The following XNDC1N variants were observed in gnomAD, a reference collection of about 807,000 sequenced individuals.
XNDC1N encodes the protein protein XNDC1N.
At chr11:71,898,915 T>A in the XNDC1N span, among the ~76,000 whole-genome samples, 1 of 152,144 alleles carries the variant, frequency 6.6e-6, no homozygotes, top group Non-Finnish European at 1.5e-5. Flanking sequence ...TAATTTTTAA[T>A]ATTTATATGT....
the XNDC1N span, among the ~76,000 whole-genome samples, chr11:71,910,932 C>T: frequency 6.6e-6 from 1 of 152,232 alleles, no homozygotes; most frequent in Non-Finnish European, 1.5e-5. Context: ...AAAGGAAAAA[C>T]TTCTGGCATC....
At chr11:71,868,696 C>G in the XNDC1N span, among the ~76,000 whole-genome samples, 1 of 152,182 alleles carries the variant, frequency 6.6e-6, no homozygotes, top group Non-Finnish European at 1.5e-5. Flanking sequence ...CTCCTTTTCT[C>G]TAGCTGCCTT....
At chr11:71,892,186 C>T in the XNDC1N span, among the ~76,000 whole-genome samples, 11 of 152,288 alleles carry the variant, frequency 7.2e-5, no homozygotes, top group Admixed American at 4.6e-4. Flanking sequence ...AATAATTTCA[C>T]AGTCTGTACA....
chr11:71,893,201 G>T, the XNDC1N span, among the ~76,000 whole-genome samples: 5 of 152,184 alleles, frequency 3.3e-5, no homozygotes, highest in Non-Finnish European at 2.9e-5. Context: ...TCACGGAGTT[G>T]TTATATGTGA....
At chr11:71,923,503 A>C in the XNDC1N span, 1 of 624,190 alleles carries the variant, frequency 1.6e-6, no homozygotes, top group African/African-American at 1.8e-5. Flanking sequence ...AGAAAAACAA[A>C]CTAGCCATGG....
At chr11:71,918,559 G>A in the XNDC1N span, among the ~76,000 whole-genome samples, 4 of 152,226 alleles carry the variant, frequency 2.6e-5, no homozygotes, top group African/African-American at 9.6e-5. Flanking sequence ...TGGGATTACA[G>A]GCATGAGCCA....
At chr11:71,908,101 A>T in the XNDC1N span, among the ~76,000 whole-genome samples, 3 of 152,230 alleles carry the variant, frequency 2.0e-5, no homozygotes, top group Non-Finnish European at 4.4e-5. Flanking sequence ...GCAATATAAC[A>T]GGTGGGTATA....
the XNDC1N span, among the ~76,000 whole-genome samples, chr11:71,919,616 TG>T: frequency 0.096 from 2,380 of 24,842 alleles, 42 homozygotes; most frequent in East Asian, 0.22. Flanking sequence ...TTTTTTTTTT[TG>T]TTTGTTTTTT....
At chr11:71,895,083 C>A in the XNDC1N span, among the ~76,000 whole-genome samples, 1 of 150,584 alleles carries the variant, frequency 6.6e-6, no homozygotes, top group Non-Finnish European at 1.5e-5. Flanking sequence ...ACCTGAGATT[C>A]TGATTTCCTT....
the XNDC1N span, among the ~76,000 whole-genome samples, chr11:71,914,925 T>C: frequency 6.6e-6 from 1 of 152,322 alleles, no homozygotes; most frequent in Admixed American, 6.5e-5. Flanking sequence ...GTGGCTGGGT[T>C]TGGGAGAATT....
the XNDC1N span, among the ~76,000 whole-genome samples, chr11:71,902,946 T>G: frequency 2.0e-5 from 3 of 152,342 alleles, no homozygotes; most frequent in South Asian, 6.2e-4. Context: ...TTGAAGCTAG[T>G]GTCTCTAAGG....
chr11:71,922,560 C>G, the XNDC1N span, among the ~76,000 whole-genome samples: 1 of 152,134 alleles, frequency 6.6e-6, no homozygotes, highest in Non-Finnish European at 1.5e-5. Flanking sequence ...GCCTTGGGCT[C>G]CCAAAGTGCT....
At chr11:71,887,449 G>A in the XNDC1N span, among the ~76,000 whole-genome samples, 4 of 152,110 alleles carry the variant, frequency 2.6e-5, no homozygotes, top group Non-Finnish European at 5.9e-5. Flanking sequence ...TATGACACTT[G>A]TGGTCCCCCG....
At chr11:71,919,019 T>G in the XNDC1N span, 1 of 702,772 alleles carries the variant, frequency 1.4e-6, no homozygotes, top group Non-Finnish European at 2.6e-6. Flanking sequence ...TACAGGATAC[T>G]TGGGATCCTA....
At chr11:71,903,233 C>T in the XNDC1N span, 1 of 903,816 alleles carries the variant, frequency 1.1e-6, no homozygotes, top group Non-Finnish European at 1.9e-6. Flanking sequence ...ATTCCTTCTC[C>T]TCGAACTCTC....
chr11:71,876,347 G>T, the XNDC1N span, among the ~76,000 whole-genome samples: 766 of 152,176 alleles, frequency 5.0e-3, 14 homozygotes, highest in East Asian at 0.077. Context: ...AAAGTCATTG[G>T]TCAAAGCACT....
At chr11:71,896,017 C>T in the XNDC1N span, among the ~76,000 whole-genome samples, 2 of 152,146 alleles carry the variant, frequency 1.3e-5, no homozygotes, top group Non-Finnish European at 2.9e-5. Flanking sequence ...GTGGCTCAGG[C>T]CTGTAATCCC....
chr11:71,895,125 T>C, the XNDC1N span, among the ~76,000 whole-genome samples: 2 of 151,180 alleles, frequency 1.3e-5, no homozygotes, highest in Non-Finnish European at 3.0e-5. Flanking sequence ...TTTTTTTTTT[T>C]TTTCTTTTAA....
the XNDC1N span, among the ~76,000 whole-genome samples, chr11:71,911,492 G>T: frequency 6.6e-6 from 1 of 152,130 alleles, no homozygotes; most frequent in Admixed American, 6.5e-5. Flanking sequence ...AGAGGTGCAG[G>T]GTATGCAGTG....
Sources: allele counts gnomAD v4.1 joint callset (sites outside exome capture counted in the v4.1 genomes callset), GRCh38; gene constraint gnomAD v4.1.1; transcripts MANE v1.5; gene names NCBI Gene and HGNC (gene_info 2026-07-23, HGNC 2026-07-21).